Variants in RYR3 observed in about 807,000 individuals in gnomAD.
RYR3 encodes brain ryanodine receptor-calcium release channel.
RYR3 carries 207 observed loss-of-function variants against 584.3 expected under a neutral mutation model. That is an observed-to-expected ratio of 0.35 (90% confidence interval 0.32 to 0.40). RYR3 has a LOEUF of 0.40. Among genes scored for constraint, RYR3 ranks in the 10% least tolerant of loss-of-function variants. The pLI is 1.00. For missense variants in RYR3, 5,616 were observed against 6,089.2 expected, an observed-to-expected ratio of 0.92 and a Z score of 2.59; for synonymous variants, 2,416 against 2,248.5, an observed-to-expected ratio of 1.07 and a Z score of -2.11.
At chr15:33,565,591 A>T (rs1165587310) in intron 11 of RYR3, among the ~76,000 whole-genome samples, 5 of 152,072 alleles carry the variant, frequency 3.3e-5, no homozygotes, top group African/African-American at 1.2e-4. Context: ...CTAGAGCCAC[A>T]TGTTTTGTCT....
In RYR3 at chr15:33,865,288, T is replaced by G. The variant is rs1890126523; in HGVS notation, c.*62T>G. ...AACTTCCCATGAAATAAAGTCCCCTTTTTACAGTTCTGCAACATATCTGAA... is the reference window on the plus strand; with the variant it reads ...AACTTCCCATGAAATAAAGTCCCCTGTTTACAGTTCTGCAACATATCTGAA... On this transcript the variant is annotated 3_prime_UTR_variant, in exon 104 of 104. Coordinates refer to ENST00000634891, the MANE Select transcript of RYR3 (RefSeq NM_001036.6). The G allele has an allele frequency of 8.4e-7, 1 of 1,193,528 alleles. No individual in the cohort carries two copies. Among genetic ancestry groups the G allele is most frequent in the East Asian group, 2.4e-5 (1 of 42,366 alleles). The allele number at this position is 1,193,528 out of a possible 1,614,324, so 73.9% of individuals were successfully genotyped here. A position where few individuals can be genotyped will look rare whatever the true frequency, so the allele number is the denominator to read the frequency against.
At chr15:33,757,373 G>A (rs879064606) in intron 59 of RYR3, 102 bp from the exon 60 acceptor site, 2 of 1,273,788 alleles carry the variant, frequency 1.6e-6, no homozygotes, top group Admixed American at 2.2e-5. Flanking sequence ...ACAGGACCAG[G>A]GTTCAGAGGC....
chr15:33,331,251 A>G (rs973660681), intron 1 of RYR3, among the ~76,000 whole-genome samples: 5 of 152,314 alleles, frequency 3.3e-5, no homozygotes, highest in Admixed American at 2.6e-4. Flanking sequence ...TCCAAATATT[A>G]ATTCTATAAT....
intron 67 of RYR3, among the ~76,000 whole-genome samples, chr15:33,791,219 C>T (rs1191978214): frequency 6.6e-6 from 1 of 152,134 alleles, no homozygotes; most frequent in East Asian, 1.9e-4. Context: ...TGTTTCTTCA[C>T]CAATGGGAAG....
At chr15:33,314,118 A>C (rs2140458707) in intron 1 of RYR3, among the ~76,000 whole-genome samples, 1 of 152,294 alleles carries the variant, frequency 6.6e-6, no homozygotes, top group African/African-American at 2.4e-5. Flanking sequence ...ATGTGAACTA[A>C]ATGCTACTGT....
chr15:33,476,211 C>A (rs1176257453), intron 2 of RYR3, among the ~76,000 whole-genome samples: 1 of 152,118 alleles, frequency 6.6e-6, no homozygotes, highest in African/African-American at 2.4e-5. Flanking sequence ...CGTTGTTTTA[C>A]CCGAGCTAGA....
At chr15:33,834,532 T>A (rs2077914919) in intron 86 of RYR3, among the ~76,000 whole-genome samples, 1 of 152,136 alleles carries the variant, frequency 6.6e-6, no homozygotes, top group African/African-American at 2.4e-5. Context: ...ATGTGTAACT[T>A]TGCCTGGAAA....
chr15:33,670,541 G>A lies in RYR3; in HGVS notation c.5845G>A (p.Glu1949Lys), dbSNP rs1164987139. 1.3e-6 allele frequency: 2 copies of A among 1,583,324 alleles called. No homozygotes were observed. Among genetic ancestry groups the A allele is most frequent in the African/African-American group, 1.4e-5 (1 of 73,250 alleles). ...KPEKEQPTEEEERCPTTLKEL... is the reference protein window; with the variant it reads ...KPEKEQPTEEKERCPTTLKEL... ...AGAGAAGGAGCAGCCGACGGAGGAG[G>A]AGGAGAGATGCCCCAGTAAGTGACA... The change falls in exon 38 of 104, where the codon GAG becomes AAG. Residue 1949 changes from glutamate to lysine, a missense_variant. Physicochemically the swap from Glu to Lys is moderately conservative, Grantham distance 56 (BLOSUM62 1). Coordinates refer to ENST00000634891, the MANE Select transcript of RYR3 (RefSeq NM_001036.6).
At chr15:33,378,529 A>G (rs948863917) in intron 1 of RYR3, among the ~76,000 whole-genome samples, 2 of 152,240 alleles carry the variant, frequency 1.3e-5, no homozygotes, top group Admixed American at 6.5e-5. Flanking sequence ...AATGACGGCC[A>G]ACGAAACCCA....
At chr15:33,714,519 A>G (rs1358651369) in intron 43 of RYR3, among the ~76,000 whole-genome samples, 2 of 152,174 alleles carry the variant, frequency 1.3e-5, no homozygotes, top group Non-Finnish European at 2.9e-5. Flanking sequence ...CACTGTAGCC[A>G]GGCTAAGCAC....
chr15:33,632,838 G>A (rs1195271022), intron 23 of RYR3, 111 bp from the exon 24 acceptor site: 3 of 868,780 alleles, frequency 3.5e-6, no homozygotes, highest in South Asian at 3.6e-5. Flanking sequence ...TGGGACCTGT[G>A]ACTGTAGCCT....
intron 1 of RYR3, among the ~76,000 whole-genome samples, chr15:33,453,565 G>A (rs2141999663): frequency 6.6e-6 from 1 of 152,282 alleles, no homozygotes; most frequent in African/African-American, 2.4e-5. Flanking sequence ...AACAACTGCT[G>A]TAATATAGTG....
chr15:33,580,167 G>A, intron 13 of RYR3, 23 bp downstream of exon 13: 2 of 1,556,516 alleles, frequency 1.3e-6, no homozygotes, highest in Non-Finnish European at 8.7e-7. Context: ...ATGAAAAGTT[G>A]AAATTCACTT....
intron 63 of RYR3, 77 bp from the exon 64 acceptor site, chr15:33,773,457 A>AC: frequency 1.1e-6 from 1 of 909,256 alleles, no homozygotes; most frequent in African/African-American, 1.7e-5. Flanking sequence ...ATGCTCATGC[A>AC]TTTTTTTTTT....
In RYR3 at chr15:33,812,954, G is replaced by A. The variant is rs778606179; in HGVS notation, c.10349G>A (p.Arg3450His). Residue 3450 changes from arginine (R) to histidine (H), a missense_variant, in exon 73 of 104, where the codon CGT becomes CAT. Transcript: ENST00000634891. Reference protein sequence around the residue: ...EPFNPEKTVERVQRISAAVFH... With the variant: ...EPFNPEKTVEHVQRISAAVFH... ...TTCAATCCGGAAAAGACAGTGGAGC[G>A]TGTGCAGAGAATTTCAGCAGCTGTC... 1.2e-5 allele frequency: 20 copies of A among 1,613,880 alleles called. No homozygotes were observed. The highest frequency in any genetic ancestry group is 6.7e-5 in the East Asian group (3 of 44,896).
chr15:33,605,684 A>G (rs553246691), intron 18 of RYR3, among the ~76,000 whole-genome samples: 1 of 152,348 alleles, frequency 6.6e-6, no homozygotes, highest in Admixed American at 6.5e-5. Flanking sequence ...CAACGAGCAC[A>G]CAGGGAACAT....
intron 64 of RYR3, among the ~76,000 whole-genome samples, chr15:33,776,966 T>C (rs147839088): frequency 1.0e-3 from 153 of 152,358 alleles, no homozygotes; most frequent in African/African-American, 3.6e-3. Flanking sequence ...AAATACTGTA[T>C]GAGGCAGTGA....
chr15:33,382,201 G>A (rs1230223224), intron 1 of RYR3, among the ~76,000 whole-genome samples: 1 of 151,968 alleles, frequency 6.6e-6, no homozygotes. Flanking sequence ...AGCAAAGTGT[G>A]TAGGCAGCAG....
In RYR3 at chr15:33,785,647, C is replaced by G; in HGVS notation, c.9269-15C>G. 6.5e-7 allele frequency: 1 copy of G among 1,541,952 alleles called. No individual in the cohort carries two copies. Among genetic ancestry groups the G allele is most frequent in the Non-Finnish European group, 8.8e-7 (1 of 1,142,000 alleles). On this transcript the variant is annotated splice_polypyrimidine_tract_variant and intron_variant, in intron 65 of 103. Coordinates refer to ENST00000634891, the MANE Select transcript of RYR3 (RefSeq NM_001036.6). The stretch of plus-strand genomic sequence containing the variant: ...GCTTTTGAATTTCTGTCCCTTTATT[C>G]TTCCTCTCAATCAGTTCTGGGGATG...
Sources: gnomAD v4.1 joint callset for allele counts (sites outside exome capture counted in the v4.1 genomes callset) on GRCh38, gnomAD v4.1.1 for gene constraint, MANE v1.5 for transcripts, NCBI Gene and HGNC (gene_info 2026-07-23, HGNC 2026-07-21) for gene names.